Variants in DMD observed in about 807,000 individuals in gnomAD.
The protein encoded by DMD is mutant dystrophin.
DMD carries 63 observed loss-of-function variants against 330.1 expected under a neutral mutation model. The observed-to-expected ratio is 0.19, with a 90% CI of 0.16 to 0.24. DMD has a LOEUF of 0.24. DMD is among the 10% of genes least tolerant of loss of function. The pLI, the probability that DMD is intolerant of heterozygous loss-of-function variation, is 1.00. For synonymous variants in DMD, 1,223 were observed against 959.8 expected (o/e 1.27, Z -5.07); for missense variants, 3,344 against 2,684.1 (o/e 1.25, Z -5.43).
intron 5 of DMD, 61 bp from the exon 6 acceptor site, chrX:32,816,701 T>A (rs1424434749): frequency 9.2e-7 from 1 of 1,091,954 alleles, no homozygotes; most frequent in Non-Finnish European, 1.3e-6. Context: ...CCATGCAAAC[T>A]TAAATATGAA....
At chrX:31,136,221 G>C (rs1355859360) in intron 76 of DMD, among the ~76,000 whole-genome samples, 1 of 110,867 alleles carries the variant, frequency 9.0e-6, no homozygotes, top group Non-Finnish European at 1.9e-5. Flanking sequence ...GAAGAATTAA[G>C]GTCACAAAGC....
intron 60 of DMD, among the ~76,000 whole-genome samples, chrX:31,431,805 T>TCTTTG (rs1220106793): frequency 9.0e-6 from 1 of 111,034 alleles, no homozygotes; most frequent in East Asian, 2.8e-4. Flanking sequence ...TCTTTTCTTT[T>TCTTTG]CTTTCTCTCT....
chrX:32,812,283 G>GA (rs1048588617), intron 6 of DMD, among the ~76,000 whole-genome samples: 1 of 110,387 alleles, frequency 9.1e-6, no homozygotes, highest in African/African-American at 3.3e-5. Context: ...ACAAAATAAC[G>GA]AAAAAAACAA....
intron 62 of DMD, among the ~76,000 whole-genome samples, chrX:31,312,303 A>G (rs1353020586): frequency 8.9e-6 from 1 of 112,592 alleles, no homozygotes; most frequent in Non-Finnish European, 1.9e-5. Flanking sequence ...AAAGGATATG[A>G]ACAGACACTT....
chrX:32,999,518 C>T (rs982548050), intron 2 of DMD, among the ~76,000 whole-genome samples: 8 of 111,342 alleles, frequency 7.2e-5, no homozygotes, highest in Non-Finnish European at 5.7e-5. Context: ...TGATGACCAA[C>T]GCAGAATCTC....
intron 2 of DMD, among the ~76,000 whole-genome samples, chrX:32,884,842 C>T (rs2084363699): frequency 8.9e-6 from 1 of 112,285 alleles, no homozygotes; most frequent in African/African-American, 3.2e-5. Context: ...AAGTGTATCA[C>T]TGTCGCCTTT....
intron 1 of DMD, among the ~76,000 whole-genome samples, chrX:33,264,686 G>T (rs1206560257): frequency 1.0e-5 from 1 of 96,153 alleles, no homozygotes; most frequent in African/African-American, 3.6e-5. Context: ...TGAATCTGGA[G>T]GATATGTATT....
chrX:31,359,887 T>C (rs934014502), intron 60 of DMD, among the ~76,000 whole-genome samples: 1 of 112,195 alleles, frequency 8.9e-6, no homozygotes, highest in Non-Finnish European at 1.9e-5. Context: ...TGTACTCATT[T>C]TTCTGATAAC....
At chrX:32,885,730 C>T (rs1357904443) in intron 2 of DMD, among the ~76,000 whole-genome samples, 10 of 104,846 alleles carry the variant, frequency 9.5e-5, no homozygotes, top group African/African-American at 3.5e-4. Context: ...TTTTCTGATG[C>T]ATCACATAAA....
At chrX:32,752,981 C>T (rs921824272) in intron 7 of DMD, among the ~76,000 whole-genome samples, 4 of 110,800 alleles carry the variant, frequency 3.6e-5, no homozygotes, top group African/African-American at 1.3e-4. Context: ...TATAAATTAC[C>T]CAATCTCAGG....
Position 32,859,461 on chromosome X carries a change from T to TCACACACA in DMD, c.94-9649_94-9642dup, listed in dbSNP as rs35537635. ...CCGGCCTTTGTGACGAAGCAAGATCTCACACACACACACACACACACACAC... is the reference window on the plus strand; with the variant it reads ...CCGGCCTTTGTGACGAAGCAAGATCTCACACACACACACACACACACACACACACACAC... On this transcript the variant is annotated intron_variant, in intron 2 of 78. Coordinates refer to ENST00000357033, the MANE Select transcript of DMD (RefSeq NM_004006.3). Among the ~76,000 whole-genome samples the TCACACACA allele has an allele frequency of 6.3e-3, 541 of 86,038 alleles. 3 individuals carry two copies. Among genetic ancestry groups the TCACACACA allele is most frequent in the Non-Finnish European group, 9.0e-3 (394 of 43,537 alleles). The allele number at this position is 86,038 out of a possible 115,157, so 74.7% of individuals were successfully genotyped here.
intron 9 of DMD, among the ~76,000 whole-genome samples, chrX:32,655,620 T>A (rs758240116): frequency 8.9e-6 from 1 of 111,902 alleles, no homozygotes; most frequent in African/African-American, 3.2e-5. Context: ...AATCTGTTGA[T>A]TAGGGGTGGA....
At chrX:32,925,572 A>G (rs747819137) in intron 2 of DMD, among the ~76,000 whole-genome samples, 11 of 111,539 alleles carry the variant, frequency 9.9e-5, no homozygotes, top group Non-Finnish European at 2.1e-4. Flanking sequence ...CAATTGATGA[A>G]ACAGTAACAC....
chrX:32,333,986 T>A (rs2097693239), intron 41 of DMD, among the ~76,000 whole-genome samples: 1 of 111,125 alleles, frequency 9.0e-6, no homozygotes, highest in South Asian at 3.8e-4. Flanking sequence ...TTTCCACGCA[T>A]TTGAAGTGAG....
At chrX:32,169,247 A>T (rs1195125089) in intron 44 of DMD, among the ~76,000 whole-genome samples, 3 of 112,240 alleles carry the variant, frequency 2.7e-5, no homozygotes, top group Non-Finnish European at 5.6e-5. Flanking sequence ...AATGGAGGGT[A>T]TGAATGGGCT....
At chrX:32,561,535 G>A (rs2051005220) in intron 16 of DMD, among the ~76,000 whole-genome samples, 2 of 111,780 alleles carry the variant, frequency 1.8e-5, no homozygotes, top group South Asian at 7.5e-4. Context: ...AAGACTGTTT[G>A]GGGAACCTGA....
chrX:33,239,183 G>A (rs765727785), intron 1 of DMD, among the ~76,000 whole-genome samples: 1 of 102,010 alleles, frequency 9.8e-6, no homozygotes, highest in South Asian at 4.9e-4. Flanking sequence ...CTTGAACCCC[G>A]GAGGTGGAGG....
intron 63 of DMD, among the ~76,000 whole-genome samples, chrX:31,258,413 T>C (rs749105193): frequency 1.8e-5 from 2 of 112,777 alleles, no homozygotes; most frequent in East Asian, 5.5e-4. Flanking sequence ...CAACGAATGT[T>C]TGATTGTTAC....
intron 9 of DMD, among the ~76,000 whole-genome samples, chrX:32,651,537 T>C (rs1391834975): frequency 8.9e-6 from 1 of 112,021 alleles, no homozygotes; most frequent in Non-Finnish European, 1.9e-5. Context: ...AAATACCTCG[T>C]CTTCATTACG....
Sources: allele counts gnomAD v4.1 joint callset (sites outside exome capture counted in the v4.1 genomes callset), GRCh38; gene constraint gnomAD v4.1.1; transcripts MANE v1.5; gene names NCBI Gene and HGNC (gene_info 2026-07-23, HGNC 2026-07-21).